The following DPP10 variants were observed in gnomAD, a reference collection of about 807,000 sequenced individuals.
DPP10 encodes the protein dipeptidyl peptidase like 10.
In DPP10, 33 loss-of-function variants were observed where a neutral mutation model predicts 120.9. The observed-to-expected ratio is 0.27, with a 90% CI of 0.21 to 0.37. The LOEUF (loss-of-function observed/expected upper bound fraction) is 0.37. DPP10 is among the 10% of genes least tolerant of loss of function. DPP10 has a pLI of 1.00. For synonymous variants in DPP10, 337 were observed against 326.1 expected (o/e 1.03, Z -0.36); for missense variants, 816 against 942.8 (o/e 0.87, Z 1.76).
intron 1 of DPP10, among the ~76,000 whole-genome samples, chr2:114,661,571 A>G (rs1224724132): frequency 2.6e-5 from 4 of 152,316 alleles, no homozygotes; most frequent in Middle Eastern, 3.4e-3. Context: ...GCATTTCTCC[A>G]TCTTAGACAT....
At chr2:115,353,529 C>A (rs936797480) in intron 3 of DPP10, among the ~76,000 whole-genome samples, 1 of 152,000 alleles carries the variant, frequency 6.6e-6, no homozygotes, top group Non-Finnish European at 1.5e-5. Context: ...TGATAAATGT[C>A]AGCTATTTTG....
intron 4 of DPP10, among the ~76,000 whole-genome samples, chr2:115,519,091 A>G (rs941261104): frequency 2.0e-5 from 3 of 152,170 alleles, no homozygotes; most frequent in Admixed American, 2.0e-4. Context: ...TGTTGGGTAG[A>G]GAAATATTGG....
chr2:114,464,189 CTG>C (rs1679160992), intron 1 of DPP10, among the ~76,000 whole-genome samples: 1 of 152,158 alleles, frequency 6.6e-6, no homozygotes, highest in Admixed American at 6.5e-5. Flanking sequence ...TAAGTCTAAA[CTG>C]TCTTTCGAAG....
At chr2:114,934,350 C>G (rs1696302403) in intron 1 of DPP10, among the ~76,000 whole-genome samples, 1 of 152,012 alleles carries the variant, frequency 6.6e-6, no homozygotes, top group East Asian at 1.9e-4. Context: ...TTATTGTATA[C>G]TATATTCTTA....
chr2:114,834,654 GTATATATATAGGCCATATCTACA>G (rs1687506670), intron 1 of DPP10, among the ~76,000 whole-genome samples: 16 of 114,294 alleles, frequency 1.4e-4, no homozygotes, highest in Admixed American at 1.7e-4. Flanking sequence ...ACACACCTAT[GTATATATATAGGCCATATCTACA>G]CACCTATGTA....
chr2:115,091,739 C>A (rs952709150), intron 1 of DPP10, among the ~76,000 whole-genome samples: 1 of 152,192 alleles, frequency 6.6e-6, no homozygotes, highest in African/African-American at 2.4e-5. Context: ...GGAAGACCCT[C>A]ATTTTGGTGT....
At chr2:114,804,667 A>C (rs962744458) in intron 1 of DPP10, among the ~76,000 whole-genome samples, 2 of 152,078 alleles carry the variant, frequency 1.3e-5, no homozygotes, top group East Asian at 1.9e-4. Context: ...ATTTTGGAGA[A>C]TTTCTCCCAT....
At chr2:114,936,108 T>C (rs941721291) in intron 1 of DPP10, among the ~76,000 whole-genome samples, 2 of 152,084 alleles carry the variant, frequency 1.3e-5, no homozygotes, top group Non-Finnish European at 2.9e-5. Flanking sequence ...GTGTATACTG[T>C]ACCCAACATG....
chr2:114,645,395 T>G (rs999173200), intron 1 of DPP10, among the ~76,000 whole-genome samples: 1 of 152,156 alleles, frequency 6.6e-6, no homozygotes, highest in African/African-American at 2.4e-5. Flanking sequence ...TTGGGAAAAC[T>G]TTTTTATGGA....
chr2:115,425,842 A>G (rs1269760923), intron 3 of DPP10, among the ~76,000 whole-genome samples: 2 of 152,160 alleles, frequency 1.3e-5, no homozygotes, highest in Admixed American at 6.5e-5. Context: ...GGCCTCAGGG[A>G]GCTTTTACTC....
At chr2:115,140,763 A>G (rs1213126162) in intron 1 of DPP10, among the ~76,000 whole-genome samples, 2 of 152,148 alleles carry the variant, frequency 1.3e-5, no homozygotes, top group Admixed American at 1.3e-4. Context: ...CCATGACGCC[A>G]AGTTTTCTGA....
At chr2:115,327,156 A>AT (rs2062415291) in intron 2 of DPP10, among the ~76,000 whole-genome samples, 1 of 152,004 alleles carries the variant, frequency 6.6e-6, no homozygotes, top group Non-Finnish European at 1.5e-5. Flanking sequence ...ATTGCCTGTG[A>AT]TTTTCAGTGC....
chr2:114,475,946 A>ATT (rs147103553), intron 1 of DPP10, among the ~76,000 whole-genome samples: 1 of 152,026 alleles, frequency 6.6e-6, no homozygotes, highest in Non-Finnish European at 1.5e-5. Flanking sequence ...CACAGTGAAC[A>ATT]TTTTTTTGCA....
At chr2:115,116,697 C>T (rs1302964423) in intron 1 of DPP10, among the ~76,000 whole-genome samples, 1 of 152,140 alleles carries the variant, frequency 6.6e-6, no homozygotes, top group Admixed American at 6.5e-5. Context: ...TACTTCTTTA[C>T]ACATATATAA....
chr2:114,769,744 A>C (rs1391552897), intron 1 of DPP10, among the ~76,000 whole-genome samples: 1 of 152,206 alleles, frequency 6.6e-6, no homozygotes, highest in African/African-American at 2.4e-5. Flanking sequence ...AAGTGTATAC[A>C]TATACGTCCA....
chr2:115,737,247 A>G (rs1676665157), intron 8 of DPP10, among the ~76,000 whole-genome samples: 1 of 152,162 alleles, frequency 6.6e-6, no homozygotes, highest in Non-Finnish European at 1.5e-5. Context: ...AAGGCAATAC[A>G]ATGGGCAATC....
intron 1 of DPP10, among the ~76,000 whole-genome samples, chr2:114,729,459 T>A (rs1676674738): frequency 6.6e-6 from 1 of 152,234 alleles, no homozygotes. Flanking sequence ...AAGGATGCAG[T>A]GAACTCAGAA....
intron 3 of DPP10, among the ~76,000 whole-genome samples, chr2:115,464,128 C>T (rs1050499459): frequency 6.6e-6 from 1 of 152,148 alleles, no homozygotes; most frequent in Non-Finnish European, 1.5e-5. Context: ...TCCAACTCTA[C>T]TCTAGATTAC....
At chr2:114,739,526 G>A (rs1558689309) in intron 1 of DPP10, among the ~76,000 whole-genome samples, 1 of 152,030 alleles carries the variant, frequency 6.6e-6, no homozygotes, top group Non-Finnish European at 1.5e-5. Context: ...AAGTGTAGTG[G>A]CACGCACCTG....
Sources: allele counts gnomAD v4.1 joint callset (sites outside exome capture counted in the v4.1 genomes callset), GRCh38; gene constraint gnomAD v4.1.1; transcripts MANE v1.5; gene names NCBI Gene and HGNC (gene_info 2026-07-23, HGNC 2026-07-21).